The following GLB1L3 variants were observed in gnomAD, a reference collection of about 807,000 sequenced individuals.
GLB1L3 encodes the protein galactosidase beta 1 like 3.
Under a neutral mutation model 89.5 loss-of-function variants are expected in GLB1L3, and 89 were observed. The ratio of observed to expected loss-of-function variants is 0.99; its 90% confidence interval spans 0.84 to 1.19. The LOEUF is 1.19. GLB1L3 is among the 50% of genes most tolerant of loss of function. The probability of loss-of-function intolerance (pLI) is 0.00; values close to 1 mark genes in which losing one functional copy is unlikely to be tolerated. For missense variants in GLB1L3, 812 were observed against 813.3 expected (o/e 1.00, Z 0.02); for synonymous variants, 314 against 312.3 (o/e 1.01, Z -0.06).
At chr11:134,291,897 T>G (rs1591550072) in intron 7 of GLB1L3, among the ~76,000 whole-genome samples, 1 of 152,120 alleles carries the variant, frequency 6.6e-6, no homozygotes, top group African/African-American at 2.4e-5. Context: ...ATGGCTTGAA[T>G]CCAGGAGTTT....
At chr11:134,313,778 A>G (rs1942858104) in intron 16 of GLB1L3, among the ~76,000 whole-genome samples, 163 bp from the exon 17 acceptor site, 1 of 152,242 alleles carries the variant, frequency 6.6e-6, no homozygotes, top group South Asian at 2.1e-4. Flanking sequence ...GTGGAAACAT[A>G]CAGCTAGAAC....
intron 9 of GLB1L3, among the ~76,000 whole-genome samples, chr11:134,301,254 TAC>T (rs1407231201): frequency 6.6e-6 from 1 of 152,178 alleles, no homozygotes; most frequent in Non-Finnish European, 1.5e-5. Flanking sequence ...GCCATGAATT[TAC>T]AGTTTTTCAA....
chr11:134,322,374 G>A (rs867984290), downstream of GLB1L3, among the ~76,000 whole-genome samples: 19 of 152,204 alleles, frequency 1.2e-4, no homozygotes, highest in African/African-American at 2.2e-4. Context: ...CTTGAGAAAC[G>A]TTTGTTCTAC....
intron 14 of GLB1L3, 106 bp downstream of exon 14, chr11:134,312,595 T>A: frequency 7.3e-7 from 1 of 1,371,222 alleles, no homozygotes; most frequent in Non-Finnish European, 9.9e-7. Context: ...GGTGACCTAC[T>A]ATATGGGAGG....
intron 9 of GLB1L3, among the ~76,000 whole-genome samples, chr11:134,295,609 T>C (rs1179632711): frequency 6.6e-6 from 1 of 152,224 alleles, no homozygotes; most frequent in Admixed American, 6.5e-5. Flanking sequence ...TTCAACTTCC[T>C]TGGTTTCCGC....
rs764071419 is a variant in GLB1L3 at position 134,318,658 on chromosome 11, A to C, written c.1807A>C (p.Asn603His). 22 of 1,610,982 alleles carry C rather than the reference A, an allele frequency of 1.4e-5. No individual in the cohort carries two copies. The highest frequency in any genetic ancestry group is 3.3e-5 in the Admixed American group (2 of 59,914). ...LNWNYGFVFI[N>H]GRNLGRYWNI... Reference sequence around the variant, plus strand: ...CTGGAATTATGGATTTGTGTTCATCAATGGACGTAACCTTGGGCGATATTG... The same window carrying C: ...CTGGAATTATGGATTTGTGTTCATCCATGGACGTAACCTTGGGCGATATTG... Residue 603 changes from asparagine (N) to histidine (H), a missense_variant, in exon 19 of 20, where the codon AAT becomes CAT. This residue lies in a region of GLB1L3 where 618 missense variants were observed against 604.0 expected (regional missense o/e 1.02). Transcript: ENST00000431683.
At chr11:134,297,462 T>C (rs554151675) in intron 9 of GLB1L3, among the ~76,000 whole-genome samples, 10 of 152,350 alleles carry the variant, frequency 6.6e-5, no homozygotes, top group Admixed American at 5.9e-4. Context: ...TTGTTCTTTT[T>C]TTCTCCCTTT....
At chr11:134,278,018 C>T (rs779132844) in intron 3 of GLB1L3, 106 bp downstream of exon 3, 12 of 1,011,012 alleles carry the variant, frequency 1.2e-5, no homozygotes, top group Admixed American at 2.4e-5. Context: ...ACTTACCTTC[C>T]GCACAGTCGT....
chr11:134,306,376 C>T (rs1389731859), intron 9 of GLB1L3, among the ~76,000 whole-genome samples: 1 of 152,174 alleles, frequency 6.6e-6, no homozygotes, highest in African/African-American at 2.4e-5. Flanking sequence ...ATTTTCCACT[C>T]ATCTTTTCTA....
intron 18 of GLB1L3, among the ~76,000 whole-genome samples, chr11:134,316,152 G>A (rs868256827): frequency 6.6e-6 from 1 of 150,832 alleles, no homozygotes; most frequent in Non-Finnish European, 1.5e-5. Flanking sequence ...CCTGGCAACA[G>A]CAATCTTTTT....
rs1197733564 is a variant in GLB1L3 at position 134,279,569 on chromosome 11, T to C, written c.362+1657T>C. Among the ~76,000 whole-genome samples the C allele has an allele frequency of 2.6e-5, 4 of 152,100 alleles. No homozygotes were observed. In the East Asian group the frequency reaches 7.7e-4, roughly 29 times the overall value. On this transcript the variant is annotated intron_variant, in intron 3 of 19. Transcript: ENST00000431683. ...TTAGTAGAGATGGGGTTTCACCATATCGGTCAGGCTGGTCTCAAACTCCTG... is the reference window on the plus strand; with the variant it reads ...TTAGTAGAGATGGGGTTTCACCATACCGGTCAGGCTGGTCTCAAACTCCTG...
intron 18 of GLB1L3, among the ~76,000 whole-genome samples, chr11:134,317,544 A>T (rs1298198192): frequency 6.6e-6 from 1 of 152,182 alleles, no homozygotes; most frequent in Non-Finnish European, 1.5e-5. Context: ...TCTTAAATGC[A>T]TTATAGTCTG....
chr11:134,312,882 C>G lies in GLB1L3; in HGVS notation c.1495C>G (p.Leu499Val), dbSNP rs1323077402. The change falls in exon 15 of 20, where the codon CTC (leucine) becomes GTC (valine). Residue 499 changes from leucine (L) to valine (V), a missense_variant. By Grantham distance (32) the Leu-to-Val change is conservative (BLOSUM62 1). Around this residue, in one of 3 missense-constraint regions of GLB1L3, gnomAD observed 618 missense variants for 604.0 expected, o/e 1.02. Coordinates refer to ENST00000431683, the MANE Select transcript of GLB1L3 (RefSeq NM_001080407.3). ...TAATAAGGACCTGCACATTCCTGAA[C>G]TCAGGGTATGTAATTTGAGAGTCCA... Reference protein sequence around the residue: ...ENNKDLHIPELRDCRYLRILV... With the variant: ...ENNKDLHIPEVRDCRYLRILV... The G allele has an allele frequency of 1.9e-6, 3 of 1,602,696 alleles. No individual in the cohort carries two copies. The African/African-American group carries it at 4.0e-5, about 21-fold the overall frequency.
chr11:134,301,203 T>G (rs1057140316), intron 9 of GLB1L3, among the ~76,000 whole-genome samples: 3 of 152,176 alleles, frequency 2.0e-5, no homozygotes, highest in African/African-American at 7.2e-5. Flanking sequence ...TTTTAGGTAT[T>G]TGGTTGCTCT....
rs1165482242 is a variant in GLB1L3, at chr11:134,277,734, A to C, written c.184A>C (p.Lys62Gln). The C allele has an allele frequency of 2.5e-6, 4 of 1,612,728 alleles. No individual in the cohort carries two copies. The highest frequency in any genetic ancestry group is 3.4e-6 in the Non-Finnish European group (4 of 1,179,448). The change falls in exon 3 of 20, where the codon AAG becomes CAG. Residue 62 changes from lysine (K) to glutamine (Q), a missense_variant. Physicochemically the swap from Lys to Gln is moderately conservative, Grantham distance 53. Around this residue, in one of 3 missense-constraint regions of GLB1L3, gnomAD observed 191 missense variants for 191.4 expected, o/e 1.00. Coordinates refer to ENST00000431683, the MANE Select transcript of GLB1L3 (RefSeq NM_001080407.3). ...GTCTCATCTGACCCCTCTGGAGCTG[A>C]AGAATCGATCTGTGGGACTTGGAAC... is the stretch of plus-strand genomic sequence containing the variant. ...NWSHLTPLEL[K>Q]NRSVGLGTES...
intron 10 of GLB1L3, among the ~76,000 whole-genome samples, chr11:134,308,718 T>C (rs370150068): frequency 2.0e-5 from 3 of 147,862 alleles, no homozygotes; most frequent in African/African-American, 7.4e-5. Context: ...TCTGGTCTCT[T>C]GTATGGCAGG....
intron 18 of GLB1L3, chr11:134,316,874 GT>G (rs1349713666): frequency 6.6e-6 from 1 of 152,240 alleles, no homozygotes; most frequent in African/African-American, 2.4e-5. Flanking sequence ...CAACTTCCAT[GT>G]TTTGGGGGAC....
Position 134,310,589 on chromosome 11 carries a change from C to T in GLB1L3, c.1118C>T (p.Thr373Met), listed in dbSNP as rs202072467. Residue 373 changes from threonine to methionine, a missense_variant, in exon 12 of 20, where the codon ACG becomes ATG. Transcript: ENST00000431683. ...CTTGCAGACTATGATGCAGTGCTCA[C>T]GGAGGCTGGAGATTACACAGAAAAA... is the stretch of plus-strand genomic sequence containing the variant. ...VTSYDYDAVLTEAGDYTEKYL... is the reference protein window; with the variant it reads ...VTSYDYDAVLMEAGDYTEKYL... The T allele has an allele frequency of 1.8e-5, 29 of 1,612,918 alleles. No individual in the cohort carries two copies. Among genetic ancestry groups the T allele is most frequent in the South Asian group, 3.3e-5 (3 of 90,802 alleles).
rs1941283921 is a variant in GLB1L3, at chr11:134,290,431, G to A, written c.729+1541G>A. On this transcript the variant is annotated intron_variant, in intron 7 of 19. Coordinates refer to ENST00000431683, the MANE Select transcript of GLB1L3 (RefSeq NM_001080407.3). ...CTACTACAAATACAAAAATTAGCTG[G>A]GCGTGGTGGTGCACACCTGTAATCC... 2.0e-5 allele frequency among the ~76,000 whole-genome samples: 3 copies of A among 151,924 alleles called. No individual in the cohort carries two copies. The South Asian group carries it at 6.3e-4, about 32-fold the overall frequency.
Sources: gnomAD v4.1 joint callset for allele counts (sites outside exome capture counted in the v4.1 genomes callset) on GRCh38, gnomAD v4.1.1 for gene constraint, gnomAD v4.1.1 regional missense constraint, MANE v1.5 for transcripts, NCBI Gene and HGNC (gene_info 2026-07-23, HGNC 2026-07-21) for gene names.